PDE4B: variants seen among roughly 807,000 people sequenced by gnomAD.
The protein encoded by PDE4B is phosphodiesterase 4B.
A neutral mutation model predicts 82.2 loss-of-function variants in PDE4B; 20 were observed. The ratio of observed to expected loss-of-function variants is 0.24; its 90% confidence interval spans 0.17 to 0.35. The LOEUF (loss-of-function observed/expected upper bound fraction) is 0.35, where lower values mean the gene tolerates loss of function less well. Ranked by LOEUF, PDE4B falls within the 10% of genes least tolerant of loss-of-function variation. The probability of loss-of-function intolerance (pLI) is 1.00; values close to 1 mark genes in which losing one functional copy is unlikely to be tolerated. For synonymous variants in PDE4B, 320 were observed against 318.9 expected, an observed-to-expected ratio of 1.00 and a Z score of -0.04; for missense variants, 655 against 907.2, an observed-to-expected ratio of 0.72 and a Z score of 3.57.
intron 3 of PDE4B, among the ~76,000 whole-genome samples, chr1:66,096,063 A>G (rs1459267074): frequency 6.6e-6 from 1 of 151,712 alleles, no homozygotes; most frequent in Non-Finnish European, 1.5e-5. Context: ...TTGAAACTGT[A>G]TATTATTGTT....
At chr1:66,082,034 A>G (rs1255314213) in intron 3 of PDE4B, among the ~76,000 whole-genome samples, 2 of 152,122 alleles carry the variant, frequency 1.3e-5, no homozygotes, top group Non-Finnish European at 1.5e-5. Flanking sequence ...CTTATAATAC[A>G]AAAGGAGAGT....
At chr1:66,158,143 A>G (rs575168734) in intron 3 of PDE4B, among the ~76,000 whole-genome samples, 1 of 152,312 alleles carries the variant, frequency 6.6e-6, no homozygotes, top group Non-Finnish European at 1.5e-5. Context: ...CCCTAAAAAT[A>G]TAGGAATTCA....
rs1029146035 is a variant in PDE4B, at chr1:65,998,765, G to A, written c.281+79930G>A. 2.6e-4 allele frequency among the ~76,000 whole-genome samples: 40 copies of A among 151,824 alleles called. 1 individual carries two copies. The highest frequency in any genetic ancestry group is 9.4e-4 in the African/African-American group (39 of 41,304). On this transcript the variant is annotated intron_variant, in intron 3 of 16. Transcript: ENST00000341517. Reference sequence around the variant, plus strand: ...CCACATGCATCAAACAATCAGCAAAGGTGCATAGGAGGATGTGTGTATCTG... The same window carrying A: ...CCACATGCATCAAACAATCAGCAAAAGTGCATAGGAGGATGTGTGTATCTG...
intron 3 of PDE4B, among the ~76,000 whole-genome samples, chr1:66,125,867 C>T (rs1015738544): frequency 1.3e-5 from 2 of 152,158 alleles, no homozygotes; most frequent in African/African-American, 2.4e-5. Flanking sequence ...AGTGCAATGG[C>T]GTGTTCTCGA....
chr1:66,064,464 G>A (rs1178313964), intron 3 of PDE4B, among the ~76,000 whole-genome samples: 1 of 151,982 alleles, frequency 6.6e-6, no homozygotes, highest in African/African-American at 2.4e-5. Context: ...AGGAAAAAAA[G>A]GAGGCAGTCC....
chr1:66,281,144 C>T (rs1412613060), intron 7 of PDE4B, among the ~76,000 whole-genome samples: 2 of 152,224 alleles, frequency 1.3e-5, no homozygotes, highest in African/African-American at 4.8e-5. Context: ...ACTGCTGATA[C>T]TTTTACTCCA....
intron 1 of PDE4B, among the ~76,000 whole-genome samples, chr1:65,903,548 C>G (rs185889720): frequency 6.6e-6 from 1 of 151,494 alleles, no homozygotes. Flanking sequence ...GAGCCATGGT[C>G]GTGCCTGGGC....
chr1:65,868,980 A>G (rs534368273), intron 1 of PDE4B, among the ~76,000 whole-genome samples: 6 of 152,282 alleles, frequency 3.9e-5, no homozygotes, highest in African/African-American at 1.2e-4. Context: ...CCTGGTGTCA[A>G]AAAGGTTGGG....
At chr1:66,149,590 G>C (rs1217391432) in intron 3 of PDE4B, among the ~76,000 whole-genome samples, 1 of 152,112 alleles carries the variant, frequency 6.6e-6, no homozygotes, top group African/African-American at 2.4e-5. Context: ...GGGTGCTGGG[G>C]TGCTAGTAAT....
At position 66,369,351 on chromosome 1, in the gene PDE4B, T is replaced by C. The variant is rs77154223; in HGVS notation, c.1845+382T>C. ...CCTCATCCTTGCTTCCAGCCCTCTGTTTTTATCTTCTGTCCTTAATCAAGC... is the reference window on the plus strand; with the variant it reads ...CCTCATCCTTGCTTCCAGCCCTCTGCTTTTATCTTCTGTCCTTAATCAAGC... On this transcript the variant is annotated intron_variant, in intron 16 of 16. Coordinates refer to ENST00000341517, the MANE Select transcript of PDE4B (RefSeq NM_002600.4). Among the ~76,000 whole-genome samples the C allele has an allele frequency of 2.5e-3, 374 of 152,334 alleles. 2 individuals carry two copies. Among genetic ancestry groups the C allele is most frequent in the African/African-American group, 8.7e-3 (360 of 41,572 alleles).
rs749583397 is a variant in PDE4B, at chr1:65,842,807, A to G, written c.-71+49559A>G. ...CGTGTGTATTTATTTTCAAATCACT[A>G]TGTTACATGGTAATAGAGTTGCATG... On this transcript the variant is annotated intron_variant, in intron 1 of 16. Coordinates refer to ENST00000341517, the MANE Select transcript of PDE4B (RefSeq NM_002600.4). Among the ~76,000 whole-genome samples, 6 of 152,260 alleles carry G rather than the reference A, an allele frequency of 3.9e-5. No homozygotes were observed. The East Asian group carries it at 9.6e-4, about 24-fold the overall frequency.
At chr1:66,303,238 A>T (rs1010519715) in intron 7 of PDE4B, among the ~76,000 whole-genome samples, 1 of 152,026 alleles carries the variant, frequency 6.6e-6, no homozygotes, top group African/African-American at 2.4e-5. Flanking sequence ...CAGGGCTGGG[A>T]GGGAATTAGA....
At chr1:66,177,570 A>T (rs918422033) in intron 3 of PDE4B, among the ~76,000 whole-genome samples, 2 of 152,230 alleles carry the variant, frequency 1.3e-5, no homozygotes, top group African/African-American at 4.8e-5. Flanking sequence ...ATCACTCTGT[A>T]AACTTTATTC....
chr1:65,841,615 T>C (rs757214832), intron 1 of PDE4B, among the ~76,000 whole-genome samples: 1 of 152,174 alleles, frequency 6.6e-6, no homozygotes, highest in Non-Finnish European at 1.5e-5. Flanking sequence ...TAGAATGGTA[T>C]GCAAAATGAT....
At chr1:66,160,564 C>T (rs1646591389) in intron 3 of PDE4B, among the ~76,000 whole-genome samples, 1 of 152,170 alleles carries the variant, frequency 6.6e-6, no homozygotes, top group Admixed American at 6.5e-5. Context: ...TCTTTTTACA[C>T]CTCTGAAAGG....
At chr1:66,239,379 G>T (rs868176887) in intron 3 of PDE4B, among the ~76,000 whole-genome samples, 4 of 151,986 alleles carry the variant, frequency 2.6e-5, no homozygotes, top group Non-Finnish European at 5.9e-5. Flanking sequence ...CTCTTTTAGA[G>T]AACTTTTCCT....
chr1:66,349,895 T>C (rs1661692142), intron 8 of PDE4B, among the ~76,000 whole-genome samples: 1 of 152,216 alleles, frequency 6.6e-6, no homozygotes, highest in South Asian at 2.1e-4. Flanking sequence ...CCATGCAAAA[T>C]TCCTGAAAGT....
chr1:65,886,531 A>T (rs1646778853), intron 1 of PDE4B, among the ~76,000 whole-genome samples: 1 of 151,966 alleles, frequency 6.6e-6, no homozygotes, highest in African/African-American at 2.4e-5. Flanking sequence ...TTATCTCCCT[A>T]CCCATCTACT....
At chr1:65,864,747 A>G (rs971902098) in intron 1 of PDE4B, among the ~76,000 whole-genome samples, 1 of 152,192 alleles carries the variant, frequency 6.6e-6, no homozygotes, top group African/African-American at 2.4e-5. Flanking sequence ...GCTTCATCCC[A>G]GAGGGGCACC....
Sources: allele counts gnomAD v4.1 joint callset (sites outside exome capture counted in the v4.1 genomes callset), GRCh38; gene constraint gnomAD v4.1.1; transcripts MANE v1.5; gene names NCBI Gene and HGNC (gene_info 2026-07-23, HGNC 2026-07-21).